Variants in GFRA1 observed in about 807,000 individuals in gnomAD.
GFRA1 encodes GDNF family receptor alpha-1.
A neutral mutation model predicts 51.6 loss-of-function variants in GFRA1; 16 were observed. That is an observed-to-expected ratio of 0.31 (90% CI 0.21 to 0.47). The LOEUF is 0.47. Among genes scored for constraint, GFRA1 ranks in the 20% least tolerant of loss-of-function variants. The probability of loss-of-function intolerance (pLI) is 1.00; values close to 1 mark genes in which losing one functional copy is unlikely to be tolerated. For missense variants in GFRA1, 530 were observed against 594.3 expected (o/e 0.89, Z 1.13); for synonymous variants, 270 against 241.3 (o/e 1.12, Z -1.10).
intron 5 of GFRA1, among the ~76,000 whole-genome samples, chr10:116,174,984 C>T (rs182924865): frequency 5.9e-5 from 9 of 152,268 alleles, no homozygotes; most frequent in Admixed American, 5.2e-4. Context: ...ATGCGCTGTC[C>T]TAATCAGTTT....
rs1957836349 is a variant in GFRA1, at chr10:116,125,553, C to T, written c.438G>A (p.Glu146=). 4 of 1,611,952 alleles carry T rather than the reference C, an allele frequency of 2.5e-6. No individual in the cohort carries two copies. The East Asian group carries it at 6.7e-5, about 27-fold the overall frequency. ...GGCAGTTGTTCCCTTTGGGAATGTG[C>T]TCCACTGCAAATGCAGAGAAAGACA... ...PFISDVFQQV[E]HIPKGNNCLD... Residue 146 remains glutamate, a synonymous_variant, in exon 6 of 11, where the codon GAG becomes GAA. Coordinates refer to ENST00000355422, the MANE Select transcript of GFRA1 (RefSeq NM_005264.8).
intron 5 of GFRA1, among the ~76,000 whole-genome samples, chr10:116,142,127 TGC>T (rs1958597207): frequency 9.5e-6 from 1 of 105,500 alleles, no homozygotes; most frequent in South Asian, 3.3e-4. Flanking sequence ...GACCAAGCAG[TGC>T]AGGATTATTC....
intron 9 of GFRA1, among the ~76,000 whole-genome samples, chr10:116,075,829 C>A (rs528365680): frequency 1.6e-4 from 25 of 152,240 alleles, no homozygotes; most frequent in African/African-American, 5.8e-4. Context: ...ACTGCAAGAT[C>A]CGCCTCCCGG....
At chr10:116,099,178 A>T (rs574775642) in intron 6 of GFRA1, among the ~76,000 whole-genome samples, 2 of 152,342 alleles carry the variant, frequency 1.3e-5, no homozygotes, top group African/African-American at 4.8e-5. Context: ...GGGCCAGCTC[A>T]TCACTGGTGA....
In GFRA1 at chr10:116,064,095, A is replaced by T. The variant is rs1954973359; in HGVS notation, c.*303T>A. The T allele has an allele frequency of 3.9e-6, 1 of 257,546 alleles. No homozygotes were observed. The highest frequency in any genetic ancestry group is 6.9e-6 in the Non-Finnish European group (1 of 144,530). The allele number at this position is 257,546 out of a possible 1,614,324, so 16.0% of individuals were successfully genotyped here. A position where few individuals can be genotyped will look rare whatever the true frequency, so the allele number is the denominator to read the frequency against. Reference sequence around the variant, plus strand: ...GATCATGATGATCATCATCATGATCATCATCATCATCGAAAACACAGCCCC... The same window carrying T: ...GATCATGATGATCATCATCATGATCTTCATCATCATCGAAAACACAGCCCC... On this transcript the variant is annotated 3_prime_UTR_variant, in exon 11 of 11. Transcript: ENST00000355422.
chr10:116,201,743 C>T (rs1964350235), intron 5 of GFRA1, among the ~76,000 whole-genome samples: 1 of 152,096 alleles, frequency 6.6e-6, no homozygotes, highest in South Asian at 2.1e-4. Flanking sequence ...CCCTGGGGTC[C>T]CTGACCATGC....
intron 9 of GFRA1, among the ~76,000 whole-genome samples, chr10:116,067,008 T>A (rs1237015139): frequency 6.6e-6 from 1 of 152,212 alleles, no homozygotes; most frequent in Non-Finnish European, 1.5e-5. Context: ...TCATAATCTT[T>A]ACCTATATTT....
intron 4 of GFRA1, among the ~76,000 whole-genome samples, chr10:116,267,074 G>A (rs1969715015): frequency 6.6e-6 from 1 of 151,946 alleles, no homozygotes; most frequent in African/African-American, 2.4e-5. Context: ...CCAGGAGTTT[G>A]GGGCAACAGT....
intron 4 of GFRA1, among the ~76,000 whole-genome samples, chr10:116,245,216 A>C (rs1262858701): frequency 6.6e-6 from 1 of 152,260 alleles, no homozygotes; most frequent in Non-Finnish European, 1.5e-5. Flanking sequence ...AAGAACTCTT[A>C]AAATGTGACA....
intron 4 of GFRA1, among the ~76,000 whole-genome samples, chr10:116,236,216 G>A (rs746309712): frequency 1.3e-5 from 2 of 152,072 alleles, no homozygotes; most frequent in Non-Finnish European, 2.9e-5. Flanking sequence ...GTGCCCAAGG[G>A]GGACCTGCAC....
chr10:116,142,364 C>T (rs1156522761), intron 5 of GFRA1, among the ~76,000 whole-genome samples: 1 of 152,192 alleles, frequency 6.6e-6, no homozygotes, highest in African/African-American at 2.4e-5. Context: ...GAGAAAAGCC[C>T]TGTGCATCTT....
At chr10:116,108,560 G>C (rs538419503) in intron 6 of GFRA1, among the ~76,000 whole-genome samples, 21 of 151,976 alleles carry the variant, frequency 1.4e-4, no homozygotes, top group Non-Finnish European at 2.8e-4. Context: ...TATTTCTTTA[G>C]GGCAAAGAAG....
chr10:116,226,731 A>G (rs1226314567), intron 4 of GFRA1: 1 of 371,334 alleles, frequency 2.7e-6, no homozygotes, highest in East Asian at 7.6e-5. Context: ...TAATTATACA[A>G]CTCACCATAA....
At chr10:116,209,177 C>G (rs1289837243) in intron 5 of GFRA1, among the ~76,000 whole-genome samples, 1 of 152,190 alleles carries the variant, frequency 6.6e-6, no homozygotes, top group Admixed American at 6.5e-5. Flanking sequence ...CACACTCTCA[C>G]GTGCACATGC....
At chr10:116,196,693 T>C (rs1274647483) in intron 5 of GFRA1, among the ~76,000 whole-genome samples, 4 of 48,384 alleles carry the variant, frequency 8.3e-5, no homozygotes, top group South Asian at 6.6e-4. Flanking sequence ...TATAGTACTA[T>C]ATATAATATA....
intron 4 of GFRA1, chr10:116,226,751 G>A (rs1402782669): frequency 2.4e-6 from 1 of 416,920 alleles, no homozygotes; most frequent in African/African-American, 2.0e-5. Flanking sequence ...ATGTATTATA[G>A]AACCAGTGGC....
intron 4 of GFRA1, among the ~76,000 whole-genome samples, chr10:116,260,869 A>T (rs7079449): frequency 0.99 from 150,802 of 151,904 alleles, 74,862 homozygotes; most frequent in East Asian, 1. Context: ...AGGAAGTGGT[A>T]AGCTCCTTTA....
chr10:116,096,991 C>T (rs971095110), intron 6 of GFRA1, among the ~76,000 whole-genome samples: 7 of 152,146 alleles, frequency 4.6e-5, no homozygotes, highest in South Asian at 2.1e-4. Context: ...CCAGCCCTCG[C>T]CCACCTGTGT....
intron 4 of GFRA1, among the ~76,000 whole-genome samples, chr10:116,215,554 G>A (rs182668677): frequency 1.2e-4 from 18 of 152,268 alleles, no homozygotes; most frequent in Admixed American, 3.3e-4. Context: ...CCCCTGTCAC[G>A]GGGCTGAGAA....
Sources: allele counts gnomAD v4.1 joint callset (sites outside exome capture counted in the v4.1 genomes callset), GRCh38; gene constraint gnomAD v4.1.1; transcripts MANE v1.5; gene names NCBI Gene and HGNC (gene_info 2026-07-23, HGNC 2026-07-21).